The following SCN1A variants were observed in gnomAD, a reference collection of about 807,000 sequenced individuals.
SCN1A encodes sodium voltage-gated channel alpha subunit 1.
Under a neutral mutation model 193.7 loss-of-function variants are expected in SCN1A, and 13 were observed. The ratio of observed to expected loss-of-function variants is 0.07; its 90% CI spans 0.04 to 0.11. SCN1A has a LOEUF of 0.11. Ranked by LOEUF, SCN1A falls within the 10% of genes least tolerant of loss-of-function variation. The pLI, the probability that SCN1A is intolerant of heterozygous loss-of-function variation, is 1.00. For synonymous variants in SCN1A, 781 were observed against 843.6 expected (o/e 0.93, Z 1.29); for missense variants, 1,432 against 2,451.1 (o/e 0.58, Z 8.78).
intron 5 of SCN1A, 35 bp downstream of exon 5, chr2:166,058,535 C>T: frequency 8.3e-7 from 1 of 1,206,058 alleles, no homozygotes; most frequent in East Asian, 2.3e-5. Context: ...AGATCATGTA[C>T]AAATAGTTAA....
At chr2:166,138,027 T>G (rs1445158203) in intron 1 of SCN1A, among the ~76,000 whole-genome samples, 1 of 152,190 alleles carries the variant, frequency 6.6e-6, no homozygotes, top group African/African-American at 2.4e-5. Context: ...GTCCCTGCCC[T>G]AGACATTTGT....
In SCN1A at chr2:166,089,488, C is replaced by T. The variant is rs146469656; in HGVS notation, c.-141-11687G>A. Among the ~76,000 whole-genome samples, 892 of 151,852 alleles carry T rather than the reference C, an allele frequency of 5.9e-3. 2 individuals carry two copies. The highest frequency in any genetic ancestry group is 9.2e-3 in the Non-Finnish European group (627 of 67,948). ...GTTTATGCATCAATGAGACTACTTA[C>T]TTCTCAATGTAAAATGCATTTCTCA... On this transcript the variant is annotated intron_variant, in intron 2 of 28. Transcript: ENST00000674923.
intron 2 of SCN1A, chr2:166,126,387 C>T (rs909504899): frequency 6.6e-6 from 1 of 152,040 alleles, no homozygotes; most frequent in East Asian, 1.9e-4. Flanking sequence ...AAATGCACAG[C>T]TGAGGGAAAG....
At chr2:166,013,405 T>C (rs1692810579) in intron 21 of SCN1A, among the ~76,000 whole-genome samples, 1 of 151,452 alleles carries the variant, frequency 6.6e-6, no homozygotes. Context: ...AGAGAATATA[T>C]ATTCCCATCC....
At chr2:166,072,036 AAAACT>A (rs1684483718) in intron 4 of SCN1A, 3 of 152,214 alleles carry the variant, frequency 2.0e-5, no homozygotes, top group Admixed American at 2.0e-4. Flanking sequence ...AGTGATTTAT[AAAACT>A]GCCTCAAATT....
intron 2 of SCN1A, among the ~76,000 whole-genome samples, chr2:166,123,135 A>T (rs1473879925): frequency 6.7e-6 from 1 of 149,642 alleles, no homozygotes; most frequent in Non-Finnish European, 1.5e-5. Context: ...AGGAATAAAA[A>T]TATGGTAACA....
chr2:166,040,798 T>C (rs1697072304), intron 16 of SCN1A, among the ~76,000 whole-genome samples: 1 of 152,246 alleles, frequency 6.6e-6, no homozygotes, highest in Admixed American at 6.5e-5. Flanking sequence ...ATGTACTACT[T>C]AGATCCTGGA....
intron 15 of SCN1A, 54 bp from the exon 16 acceptor site, chr2:166,041,523 C>A: frequency 1.8e-6 from 2 of 1,139,612 alleles, no homozygotes; most frequent in Non-Finnish European, 2.6e-6. Flanking sequence ...TTTATACACA[C>A]ACATTTATTT....
intron 16 of SCN1A, among the ~76,000 whole-genome samples, chr2:166,040,666 A>G (rs1341767864): frequency 6.6e-6 from 1 of 152,212 alleles, no homozygotes. Flanking sequence ...TGAAGCACAA[A>G]AAGGAAAAAT....
intron 2 of SCN1A, among the ~76,000 whole-genome samples, chr2:166,120,423 C>G (rs887058123): frequency 6.7e-6 from 1 of 149,808 alleles, no homozygotes; most frequent in African/African-American, 2.5e-5. Context: ...TTGTAAGGTA[C>G]TTTTTAATAT....
At chr2:166,134,651 C>A (rs536997888) in intron 1 of SCN1A, among the ~76,000 whole-genome samples, 1 of 152,244 alleles carries the variant, frequency 6.6e-6, no homozygotes, top group Non-Finnish European at 1.5e-5. Context: ...AAAGACAGCT[C>A]CAGAAAATAT....
intron 19 of SCN1A, among the ~76,000 whole-genome samples, chr2:166,033,906 A>G (rs932393400): frequency 2.6e-5 from 4 of 152,162 alleles, no homozygotes; most frequent in Non-Finnish European, 5.9e-5. Flanking sequence ...AGGTCTAAAG[A>G]TTCAAGACAA....
intron 9 of SCN1A, among the ~76,000 whole-genome samples, chr2:166,049,163 G>C (rs1216389909): frequency 1.1e-5 from 1 of 87,844 alleles, no homozygotes; most frequent in Non-Finnish European, 3.2e-5. Context: ...ATGAAGAAAT[G>C]ACATTAGATT....
chr2:166,020,056 G>A (rs1259601857), intron 19 of SCN1A, among the ~76,000 whole-genome samples: 2 of 151,732 alleles, frequency 1.3e-5, no homozygotes, highest in East Asian at 1.9e-4. Flanking sequence ...GACTACAGGC[G>A]CCCGCCACCA....
rs147492841 is a variant in SCN1A at position 166,140,607 on chromosome 2, G to A, written c.-50+8440C>T. Among the ~76,000 whole-genome samples, 479 of 152,326 alleles carry A rather than the reference G, an allele frequency of 3.1e-3. 1 individual carries two copies. The highest frequency in any genetic ancestry group is 0.011 in the African/African-American group (468 of 41,570). ...ACTAAACACATGAGTAGTGAGGGGAGAAGCATGCCTCAATCTGGCAAAGCT... is the reference window on the plus strand; with the variant it reads ...ACTAAACACATGAGTAGTGAGGGGAAAAGCATGCCTCAATCTGGCAAAGCT... On this transcript the variant is annotated intron_variant, in intron 1 of 26. Transcript: ENST00000635750.
intron 19 of SCN1A, among the ~76,000 whole-genome samples, chr2:166,031,032 T>C (rs1695487464): frequency 6.6e-6 from 1 of 152,104 alleles, no homozygotes; most frequent in Non-Finnish European, 1.5e-5. Context: ...ATTCCTACTA[T>C]GGCATGAGTC....
intron 25 of SCN1A, among the ~76,000 whole-genome samples, chr2:165,998,524 G>T (rs947669037): frequency 3.3e-5 from 5 of 151,128 alleles, no homozygotes; most frequent in African/African-American, 1.2e-4. Flanking sequence ...AATATCTACA[G>T]GCTAGGTTTA....
chr2:166,046,700 A>C, intron 12 of SCN1A, 70 bp downstream of exon 12: 1 of 1,477,754 alleles, frequency 6.8e-7, no homozygotes, highest in Non-Finnish European at 9.5e-7. Context: ...TTAGGTACTC[A>C]CTTTCTCTTC....
At chr2:166,094,725 C>CCAAT (rs1313389053) in intron 2 of SCN1A, among the ~76,000 whole-genome samples, 1 of 151,806 alleles carries the variant, frequency 6.6e-6, no homozygotes, top group Non-Finnish European at 1.5e-5. Flanking sequence ...TCATTAAATA[C>CCAAT]CAATCAACCA....
Sources: gnomAD v4.1 joint callset for allele counts (sites outside exome capture counted in the v4.1 genomes callset) on GRCh38, gnomAD v4.1.1 for gene constraint, MANE v1.5 for transcripts, NCBI Gene and HGNC (gene_info 2026-07-23, HGNC 2026-07-21) for gene names.